The following TOX4 variants were observed in gnomAD, a reference collection of about 807,000 sequenced individuals.
TOX4 encodes TOX high mobility group box family member 4.
Under a neutral mutation model 61.0 loss-of-function variants are expected in TOX4, and 12 were observed. The ratio of observed to expected loss-of-function variants is 0.20; its 90% confidence interval spans 0.13 to 0.32. The LOEUF (loss-of-function observed/expected upper bound fraction) is 0.32. TOX4 is among the 10% of genes least tolerant of loss of function. The probability of loss-of-function intolerance (pLI) is 1.00; values close to 1 mark genes in which losing one functional copy is unlikely to be tolerated. For synonymous variants in TOX4, 268 were observed against 274.8 expected (o/e 0.98, Z 0.24); for missense variants, 499 against 753.3 (o/e 0.66, Z 3.95).
intron 2 of TOX4, 68 bp downstream of exon 2, chr14:21,477,632 G>A (rs1227755730): frequency 1.3e-6 from 2 of 1,555,476 alleles, no homozygotes; most frequent in East Asian, 2.2e-5. Flanking sequence ...TAGTGGGGAG[G>A]AGAGCACGGA....
rs1026617215 is a variant in TOX4 at position 21,497,846 on chromosome 14, T to C, written c.*1240T>C. ...CCAGCCTGCATTCCTGTTTTTTTAA[T>C]GGTTTTGGAGGGTAGCAGTAGAGAT... On this transcript the variant is annotated 3_prime_UTR_variant, in exon 9 of 9. Transcript: ENST00000448790. 1 of 155,086 alleles carries C rather than the reference T, an allele frequency of 6.4e-6. No homozygotes were observed. The highest frequency in any genetic ancestry group is 2.4e-5 in the African/African-American group (1 of 41,358). The allele number at this position is 155,086 out of a possible 1,614,324, so 9.6% of individuals were successfully genotyped here.
In TOX4 at chr14:21,498,645, T is replaced by C; in HGVS notation, c.*2039T>C. ...AGAGTTGCTACCAGGGAGTATTCTT[T>C]GGATAAGCAAAATGCTAGCAGCATG... On this transcript the variant is annotated 3_prime_UTR_variant, in exon 9 of 9. Coordinates refer to ENST00000448790, the MANE Select transcript of TOX4 (RefSeq NM_014828.4). 2.0e-6 allele frequency: 1 copy of C among 510,172 alleles called. No individual in the cohort carries two copies. The highest frequency in any genetic ancestry group is 3.6e-5 in the Admixed American group (1 of 28,046). 31.6% of individuals were successfully genotyped at this position (510,172 alleles called of 1,614,324 possible). A position where few individuals can be genotyped will look rare whatever the true frequency, so the allele number is the denominator to read the frequency against.
chr14:21,487,297 A>G (rs1005046377), intron 2 of TOX4, among the ~76,000 whole-genome samples, 154 bp from the exon 3 acceptor site: 4 of 152,216 alleles, frequency 2.6e-5, no homozygotes, highest in Non-Finnish European at 5.9e-5. Flanking sequence ...GAGATTGGTA[A>G]AAATAATAGG....
Position 21,477,534 on chromosome 14 carries a change from G to C in TOX4, c.45G>C (p.Gly15=), listed in dbSNP as rs751473947. ...GGNDNYLTIT[G]PSHPFLSGAE... is the part of the protein sequence containing the mutation. ...ATGACAATTACCTGACGATCACAGG[G>C]CCTTCGCACCCCTTCCTGTCAGGGG... Residue 15 remains glycine (G), a synonymous_variant, in exon 2 of 9, where the codon GGG becomes GGC. Transcript: ENST00000448790. 6.2e-7 allele frequency: 1 copy of C among 1,613,726 alleles called. No individual in the cohort carries two copies. Among genetic ancestry groups the C allele is most frequent in the South Asian group, 1.1e-5 (1 of 91,062 alleles).
At chr14:21,477,408 T>C in intron 1 of TOX4, 88 bp from the exon 2 acceptor site, 2 of 1,609,884 alleles carry the variant, frequency 1.2e-6, no homozygotes, top group Non-Finnish European at 1.7e-6. Flanking sequence ...TGGGGAGTGT[T>C]GTCAGAATGT....
intron 6 of TOX4, 35 bp downstream of exon 6, chr14:21,492,411 A>T: frequency 6.2e-7 from 1 of 1,610,940 alleles, no homozygotes; most frequent in Non-Finnish European, 8.5e-7. Flanking sequence ...TATTTAAACC[A>T]GTAAGAAGTT....
rs145912983 is a variant in TOX4 at position 21,481,769 on chromosome 14, A to C, written c.75+4205A>C. 5.2e-3 allele frequency among the ~76,000 whole-genome samples: 790 copies of C among 152,378 alleles called. 8 individuals are homozygous for C. The highest frequency in any genetic ancestry group is 0.017 in the African/African-American group (722 of 41,592). ...ATATAAAAAATTAAATTATAAATGC[A>C]ATTGGATAATCTAAACAATATTTTG... On this transcript the variant is annotated intron_variant, in intron 2 of 8. Coordinates refer to ENST00000448790, the MANE Select transcript of TOX4 (RefSeq NM_014828.4).
chr14:21,485,312 G>T (rs1175646015), intron 2 of TOX4, among the ~76,000 whole-genome samples: 1 of 106,378 alleles, frequency 9.4e-6, no homozygotes. Flanking sequence ...CTACTAGGGA[G>T]GCTGAGGCAG....
chr14:21,498,569 A>T lies in TOX4; in HGVS notation c.*1963A>T, dbSNP rs2139637311. ...AGATTCTGGTGTTAAAATAGACTGGATCTGTATTATCTGAGGGTTAGTAAC... is the reference window on the plus strand; with the variant it reads ...AGATTCTGGTGTTAAAATAGACTGGTTCTGTATTATCTGAGGGTTAGTAAC... On this transcript the variant is annotated 3_prime_UTR_variant, in exon 9 of 9. Transcript: ENST00000448790. The T allele has an allele frequency of 5.1e-6, 3 of 593,244 alleles. No individual in the cohort carries two copies. In the East Asian group the frequency reaches 8.5e-5, roughly 17 times the overall value. 36.7% of individuals were successfully genotyped at this position (593,244 alleles called of 1,614,324 possible). A position where few individuals can be genotyped will look rare whatever the true frequency, so the allele number is the denominator to read the frequency against.
At chr14:21,493,437 T>G (rs954011826) in intron 7 of TOX4, among the ~76,000 whole-genome samples, 180 bp downstream of exon 7, 1 of 147,836 alleles carries the variant, frequency 6.8e-6, no homozygotes, top group African/African-American at 2.5e-5. Flanking sequence ...ACTCATACTG[T>G]TTTTTTTTTG....
At chr14:21,481,031 G>T (rs752452798) in intron 2 of TOX4, among the ~76,000 whole-genome samples, 1 of 152,066 alleles carries the variant, frequency 6.6e-6, no homozygotes, top group Non-Finnish European at 1.5e-5. Context: ...TGGAAGTTGT[G>T]GTGAGCTGAG....
At chr14:21,484,155 A>G (rs558292419) in intron 2 of TOX4, among the ~76,000 whole-genome samples, 20 of 152,192 alleles carry the variant, frequency 1.3e-4, no homozygotes, top group African/African-American at 4.6e-4. Context: ...TATCTCAGAC[A>G]ACGACCAGAT....
At chr14:21,495,650 A>C (rs933192) in intron 8 of TOX4, 132,169 of 263,594 alleles carry the variant, frequency 0.5, 33,604 homozygotes, top group East Asian at 0.65. Flanking sequence ...AATATAATAC[A>C]TTAAGCTGTT....
At chr14:21,477,614 G>C (rs752692736) in intron 2 of TOX4, 50 bp downstream of exon 2, 2 of 1,602,546 alleles carry the variant, frequency 1.2e-6, no homozygotes, top group East Asian at 4.5e-5. Context: ...GGCAGCGGTG[G>C]GGTAGGGTAG....
intron 2 of TOX4, chr14:21,482,735 G>C (rs547693916): frequency 3.9e-6 from 1 of 258,940 alleles, no homozygotes; most frequent in African/African-American, 2.3e-5. Flanking sequence ...TATGTAATCC[G>C]CTAAAATAAA....
intron 2 of TOX4, among the ~76,000 whole-genome samples, chr14:21,481,295 C>T (rs1891104156): frequency 6.6e-6 from 1 of 152,210 alleles, no homozygotes; most frequent in Non-Finnish European, 1.5e-5. Context: ...TCTCGTGCAT[C>T]AACCTTCTGA....
chr14:21,477,376 G>C, intron 1 of TOX4, 92 bp downstream of exon 1: 1 of 1,612,698 alleles, frequency 6.2e-7, no homozygotes, highest in Non-Finnish European at 8.5e-7. Context: ...GCGACTGACG[G>C]GAGAGGAGAG....
rs1473981124 is a variant in TOX4, at chr14:21,477,506, G to C, written c.17G>C (p.Gly6Ala). The change falls in exon 2 of 9, where the codon GGA (glycine) becomes GCA (alanine). Residue 6 changes from glycine to alanine, a missense_variant. By Grantham distance (60) the Gly-to-Ala change is moderately conservative. Coordinates refer to ENST00000448790, the MANE Select transcript of TOX4 (RefSeq NM_014828.4). Reference sequence around the variant, plus strand: ...TCTTTTGGTTTCCAGTTTCCCGGAGGAAATGACAATTACCTGACGATCACA... The same window carrying C: ...TCTTTTGGTTTCCAGTTTCCCGGAGCAAATGACAATTACCTGACGATCACA... The part of the protein sequence containing the change: MEFPG[G>A]NDNYLTITGP... 3 of 1,613,438 alleles carry C rather than the reference G, an allele frequency of 1.9e-6. No individual in the cohort carries two copies. Among genetic ancestry groups the C allele is most frequent in the Admixed American group, 1.7e-5 (1 of 60,004 alleles).
In TOX4 at chr14:21,497,104, A is replaced by G. The variant is rs1891419819; in HGVS notation, c.*498A>G. ...TTTCAACATGGGCATACTGGGCTAC[A>G]TGGAAAATGACATCACCCAGGAGTG... On this transcript the variant is annotated 3_prime_UTR_variant, in exon 9 of 9. Coordinates refer to ENST00000448790, the MANE Select transcript of TOX4 (RefSeq NM_014828.4). The G allele has an allele frequency of 6.5e-6, 1 of 153,772 alleles. No individual in the cohort carries two copies. The highest frequency in any genetic ancestry group is 2.4e-5 in the African/African-American group (1 of 41,448). The allele number at this position is 153,772 out of a possible 1,614,324, so 9.5% of individuals were successfully genotyped here. A position where few individuals can be genotyped will look rare whatever the true frequency, so the allele number is the denominator to read the frequency against.
Sources: gnomAD v4.1 joint callset for allele counts (sites outside exome capture counted in the v4.1 genomes callset) on GRCh38, gnomAD v4.1.1 for gene constraint, MANE v1.5 for transcripts, NCBI Gene and HGNC (gene_info 2026-07-23, HGNC 2026-07-21) for gene names.